Variants in DLGAP2 observed in about 807,000 individuals in gnomAD.
DLGAP2 encodes the protein disks large-associated protein 2.
In DLGAP2, 26 loss-of-function variants were observed where a neutral mutation model predicts 100.3. That is an observed-to-expected ratio of 0.26 (90% confidence interval 0.19 to 0.36). The LOEUF is 0.36. Ranked by LOEUF, DLGAP2 falls within the 10% of genes least tolerant of loss-of-function variation. The pLI is 1.00. For synonymous variants in DLGAP2, 886 were observed against 630.1 expected (o/e 1.41, Z -6.08); for missense variants, 1,858 against 1,453.2 (o/e 1.28, Z -4.53).
intron 3 of DLGAP2, chr8:1,300,582 A>G (rs73170439): frequency 0.025 from 3,844 of 152,460 alleles, 60 homozygotes; most frequent in Middle Eastern, 0.054. Context: ...AGCACCCAGC[A>G]CAAATCGGAG....
At chr8:1,485,719 G>T (rs911045378) in intron 3 of DLGAP2, among the ~76,000 whole-genome samples, 2 of 152,212 alleles carry the variant, frequency 1.3e-5, no homozygotes, top group African/African-American at 4.8e-5. Context: ...AGGGCCCAGG[G>T]AGGTCATAGA....
chr8:746,568 C>T (rs1430824988), intron 1 of DLGAP2, among the ~76,000 whole-genome samples: 1 of 152,250 alleles, frequency 6.6e-6, no homozygotes, highest in Non-Finnish European at 1.5e-5. Flanking sequence ...AGTGTCCCTG[C>T]ACCTGACACC....
intron 3 of DLGAP2, among the ~76,000 whole-genome samples, chr8:1,378,811 T>G (rs76462181): frequency 2.4e-4 from 36 of 152,370 alleles, no homozygotes; most frequent in Non-Finnish European, 5.1e-4. Context: ...TTTCCCCAGA[T>G]TCTTTCAAAT....
intron 2 of DLGAP2, among the ~76,000 whole-genome samples, chr8:922,912 G>A (rs920839241): frequency 1.3e-5 from 2 of 152,296 alleles, no homozygotes; most frequent in South Asian, 4.2e-4. Flanking sequence ...TGTTTCTTGA[G>A]GGGAAATGAG....
chr8:1,293,659 C>G (rs1301693552), intron 3 of DLGAP2, among the ~76,000 whole-genome samples: 1 of 152,198 alleles, frequency 6.6e-6, no homozygotes, highest in East Asian at 1.9e-4. Flanking sequence ...TGCCTGCTGT[C>G]TCTAGAATTT....
At chr8:1,357,771 C>T (rs1042559668) in intron 3 of DLGAP2, among the ~76,000 whole-genome samples, 19 of 152,332 alleles carry the variant, frequency 1.2e-4, no homozygotes, top group Non-Finnish European at 2.1e-4. Flanking sequence ...TGGTTCTGAG[C>T]AGCCTCGTAG....
chr8:1,550,523 G>A (rs1325219992), intron 5 of DLGAP2, among the ~76,000 whole-genome samples: 2 of 152,120 alleles, frequency 1.3e-5, no homozygotes, highest in South Asian at 2.1e-4. Context: ...TGATGGACCG[G>A]CCTAATGGAA....
chr8:1,171,764 A>T, intron 2 of DLGAP2, among the ~76,000 whole-genome samples: 1 of 151,224 alleles, frequency 6.6e-6, no homozygotes, highest in African/African-American at 2.4e-5. Context: ...TTTTATTTTG[A>T]GCCTATATGT....
chr8:1,520,965 C>T (rs1265367310), intron 4 of DLGAP2, among the ~76,000 whole-genome samples: 2 of 152,312 alleles, frequency 1.3e-5, no homozygotes, highest in South Asian at 4.2e-4. Flanking sequence ...GCTTTGCACT[C>T]CCACGGGTAA....
At chr8:863,015 T>C (rs778843597) in intron 1 of DLGAP2, among the ~76,000 whole-genome samples, 2 of 152,230 alleles carry the variant, frequency 1.3e-5, no homozygotes, top group Non-Finnish European at 2.9e-5. Flanking sequence ...AATATGGCAG[T>C]GAAATGGATT....
At chr8:1,101,970 A>G (rs182391283) in intron 2 of DLGAP2, among the ~76,000 whole-genome samples, 13 of 152,296 alleles carry the variant, frequency 8.5e-5, no homozygotes, top group African/African-American at 2.6e-4. Flanking sequence ...ATTTTATATT[A>G]TGTTTATTTT....
At chr8:1,306,473 T>C (rs898435275) in intron 3 of DLGAP2, among the ~76,000 whole-genome samples, 5 of 152,190 alleles carry the variant, frequency 3.3e-5, no homozygotes, top group Non-Finnish European at 4.4e-5. Flanking sequence ...TGTTCATGGA[T>C]TGAAAGGCTT....
chr8:1,667,879 G>A (rs1372923799), intron 8 of DLGAP2, among the ~76,000 whole-genome samples: 1 of 151,784 alleles, frequency 6.6e-6, no homozygotes, highest in African/African-American at 2.4e-5. Context: ...GGGTTTGCTG[G>A]TATTTTTAAA....
intron 2 of DLGAP2, among the ~76,000 whole-genome samples, chr8:1,165,888 G>A (rs1797005081): frequency 6.6e-6 from 1 of 151,874 alleles, no homozygotes; most frequent in African/African-American, 2.4e-5. Flanking sequence ...AGGCTTCATA[G>A]ATGTGCCACT....
intron 2 of DLGAP2, among the ~76,000 whole-genome samples, chr8:1,241,950 C>T (rs377241630): frequency 6.6e-6 from 1 of 152,324 alleles, no homozygotes; most frequent in Non-Finnish European, 1.5e-5. Flanking sequence ...ATGATGATCA[C>T]TGCCTCTACT....
At chr8:772,495 G>A (rs1375982697) in intron 1 of DLGAP2, among the ~76,000 whole-genome samples, 1 of 151,896 alleles carries the variant, frequency 6.6e-6, no homozygotes, top group African/African-American at 2.4e-5. Context: ...GCTAATTTTT[G>A]TATTTTTAGT....
chr8:810,146 C>G (rs1455801851), intron 1 of DLGAP2, among the ~76,000 whole-genome samples: 2 of 152,222 alleles, frequency 1.3e-5, no homozygotes, highest in Non-Finnish European at 2.9e-5. Context: ...CCTCACCCTC[C>G]TCTCTCTGGA....
intron 2 of DLGAP2, among the ~76,000 whole-genome samples, chr8:982,970 G>A (rs1463642563): frequency 2.7e-5 from 4 of 147,416 alleles, no homozygotes; most frequent in Non-Finnish European, 3.0e-5. Flanking sequence ...TGCCAAATGC[G>A]TATATCTGCT....
At chr8:1,026,278 G>C (rs998286677) in intron 2 of DLGAP2, among the ~76,000 whole-genome samples, 1 of 152,160 alleles carries the variant, frequency 6.6e-6, no homozygotes, top group African/African-American at 2.4e-5. Flanking sequence ...GAGATGGCGC[G>C]CTTGCCCCAT....
Sources: allele counts gnomAD v4.1 joint callset (sites outside exome capture counted in the v4.1 genomes callset), GRCh38; gene constraint gnomAD v4.1.1; transcripts MANE v1.5; gene names NCBI Gene and HGNC (gene_info 2026-07-23, HGNC 2026-07-21).